Variants in CHD9NB observed in about 807,000 individuals in gnomAD.
CHD9NB encodes the protein CHD9 neighbor protein.
the CHD9NB span, chr16:53,044,086 T>C: frequency 3.8e-5 from 15 of 398,780 alleles, 1 homozygote; most frequent in South Asian, 2.5e-4. Context: ...CCTGGCTCTC[T>C]TCCCTCGCGC....
chr16:53,052,647 T>C, the CHD9NB span: 2 of 152,392 alleles, frequency 1.3e-5, no homozygotes, highest in East Asian at 3.8e-4. Context: ...AGGCATGCTT[T>C]GGGGCACAGT....
chr16:53,041,866 C>T, the CHD9NB span, among the ~76,000 whole-genome samples: 2 of 152,204 alleles, frequency 1.3e-5, no homozygotes, highest in East Asian at 3.9e-4. Flanking sequence ...TCCTGATCCC[C>T]AGCTGCAAGC....
At chr16:53,051,768 A>AAAAT in the CHD9NB span, among the ~76,000 whole-genome samples, 1 of 104,644 alleles carries the variant, frequency 9.6e-6, no homozygotes, top group Non-Finnish European at 1.7e-5. Flanking sequence ...TAAAAGTATA[A>AAAAT]ATATATATAT....
the CHD9NB span, among the ~76,000 whole-genome samples, chr16:53,047,949 T>C: frequency 1.4e-5 from 2 of 143,714 alleles, 1 homozygote; most frequent in Admixed American, 1.5e-4. Flanking sequence ...TAGTGAGCTA[T>C]GATTGTGCCA....
the CHD9NB span, among the ~76,000 whole-genome samples, chr16:53,048,440 A>G: frequency 6.6e-6 from 1 of 152,174 alleles, no homozygotes; most frequent in Non-Finnish European, 1.5e-5. Flanking sequence ...AGAAAATAAA[A>G]TAAAAATTTT....
At chr16:53,048,793 C>T in the CHD9NB span, among the ~76,000 whole-genome samples, 1 of 152,294 alleles carries the variant, frequency 6.6e-6, no homozygotes. Flanking sequence ...CCCAAGGCAC[C>T]CTGCAGAAGG....
At chr16:53,041,747 T>G in the CHD9NB span, among the ~76,000 whole-genome samples, 1 of 150,908 alleles carries the variant, frequency 6.6e-6, no homozygotes. Context: ...AAATTTCCAC[T>G]AGTAGGGAGG....
At chr16:53,049,004 C>G in the CHD9NB span, among the ~76,000 whole-genome samples, 1 of 152,082 alleles carries the variant, frequency 6.6e-6, no homozygotes, top group Non-Finnish European at 1.5e-5. Flanking sequence ...GGATCGGACT[C>G]TTGGTTTTTT....
chr16:53,039,721 G>A, the CHD9NB span, among the ~76,000 whole-genome samples: 7 of 141,460 alleles, frequency 4.9e-5, no homozygotes, highest in East Asian at 2.1e-4. Flanking sequence ...CTCCAGCCTG[G>A]GTGACAGAGA....
the CHD9NB span, among the ~76,000 whole-genome samples, chr16:53,052,418 TATAA>T: frequency 6.6e-6 from 1 of 152,178 alleles, no homozygotes; most frequent in Non-Finnish European, 1.5e-5. Flanking sequence ...TCTAACACGT[TATAA>T]ATATTTTATT....
chr16:53,039,830 T>G, the CHD9NB span, among the ~76,000 whole-genome samples: 1 of 152,024 alleles, frequency 6.6e-6, no homozygotes, highest in East Asian at 1.9e-4. Context: ...ACAGGGGCTA[T>G]GCAGTGCTCA....
the CHD9NB span, among the ~76,000 whole-genome samples, chr16:53,041,395 A>G: frequency 6.6e-6 from 1 of 152,234 alleles, no homozygotes; most frequent in African/African-American, 2.4e-5. Context: ...TTTCTGTTAG[A>G]GATTAACTTC....
At chr16:53,042,285 C>T in the CHD9NB span, among the ~76,000 whole-genome samples, 4 of 148,992 alleles carry the variant, frequency 2.7e-5, no homozygotes, top group African/African-American at 1.0e-4. Context: ...TCACCCCTCT[C>T]CTTTCTCTCC....
the CHD9NB span, among the ~76,000 whole-genome samples, chr16:53,041,950 GCC>G: frequency 6.6e-6 from 1 of 152,158 alleles, no homozygotes; most frequent in Non-Finnish European, 1.5e-5. Flanking sequence ...AGCTGACAGG[GCC>G]CCCATCCCTC....
chr16:53,052,446 T>C, the CHD9NB span, among the ~76,000 whole-genome samples: 1 of 152,184 alleles, frequency 6.6e-6, no homozygotes, highest in Non-Finnish European at 1.5e-5. Flanking sequence ...GTTATTTACA[T>C]ACTTCAGCCT....
the CHD9NB span, among the ~76,000 whole-genome samples, chr16:53,048,827 A>C: frequency 6.6e-6 from 1 of 152,134 alleles, no homozygotes; most frequent in Non-Finnish European, 1.5e-5. Context: ...TAAGCACCCA[A>C]CCTCACTCTC....
chr16:53,049,835 A>G, the CHD9NB span, among the ~76,000 whole-genome samples: 1 of 152,210 alleles, frequency 6.6e-6, no homozygotes, highest in African/African-American at 2.4e-5. Flanking sequence ...TAGAGTGTAC[A>G]TGCTGTATGC....
At chr16:53,046,453 G>A in the CHD9NB span, among the ~76,000 whole-genome samples, 2 of 151,652 alleles carry the variant, frequency 1.3e-5, no homozygotes, top group African/African-American at 4.8e-5. Flanking sequence ...GAGGCGGGTG[G>A]ATCACTTGAA....
the CHD9NB span, among the ~76,000 whole-genome samples, chr16:53,044,914 C>A: frequency 1.3e-5 from 2 of 152,116 alleles, no homozygotes; most frequent in Non-Finnish European, 2.9e-5. Flanking sequence ...TGCCTTCCAA[C>A]CTCTTATATT....
Sources: gnomAD v4.1 joint callset for allele counts (sites outside exome capture counted in the v4.1 genomes callset) on GRCh38, gnomAD v4.1.1 for gene constraint, MANE v1.5 for transcripts, NCBI Gene and HGNC (gene_info 2026-07-23, HGNC 2026-07-21) for gene names.